The following PRKG1 variants were observed in gnomAD, a reference collection of about 807,000 sequenced individuals.
PRKG1 encodes the protein protein kinase cGMP-dependent 1.
Under a neutral mutation model 88.1 loss-of-function variants are expected in PRKG1, and 35 were observed. That is an observed-to-expected ratio of 0.40 (90% confidence interval 0.30 to 0.53). PRKG1 has a LOEUF of 0.53. Among genes scored for constraint, PRKG1 ranks in the 20% least tolerant of loss-of-function variants. The probability of loss-of-function intolerance (pLI) is 0.59; values close to 1 mark genes in which losing one functional copy is unlikely to be tolerated. For missense variants in PRKG1, 540 were observed against 839.8 expected, an observed-to-expected ratio of 0.64 and a Z score of 4.41; for synonymous variants, 303 against 292.5, an observed-to-expected ratio of 1.04 and a Z score of -0.37.
At chr10:51,981,700 T>C (rs1844015505) in intron 5 of PRKG1, among the ~76,000 whole-genome samples, 1 of 152,222 alleles carries the variant, frequency 6.6e-6, no homozygotes, top group Non-Finnish European at 1.5e-5. Context: ...CTTATGGGCT[T>C]CCTTTTGTCG....
At chr10:52,029,225 A>T (rs2133206500) in intron 5 of PRKG1, among the ~76,000 whole-genome samples, 1 of 152,330 alleles carries the variant, frequency 6.6e-6, no homozygotes, top group Middle Eastern at 3.4e-3. Flanking sequence ...CCATTCTTTG[A>T]CATAAACACA....
At chr10:51,793,894 T>C (rs1008206848) in intron 3 of PRKG1, among the ~76,000 whole-genome samples, 5 of 152,052 alleles carry the variant, frequency 3.3e-5, no homozygotes, top group African/African-American at 1.2e-4. Flanking sequence ...CCCAAGCAGG[T>C]GGGATTACAG....
intron 3 of PRKG1, among the ~76,000 whole-genome samples, chr10:51,731,695 A>G (rs1589240534): frequency 6.6e-6 from 1 of 152,316 alleles, no homozygotes; most frequent in East Asian, 1.9e-4. Context: ...TTGAATATAT[A>G]ATTTTGTCTC....
At chr10:51,022,168 C>T (rs180727507) in intron 1 of PRKG1, among the ~76,000 whole-genome samples, 2 of 152,312 alleles carry the variant, frequency 1.3e-5, no homozygotes, top group Admixed American at 6.5e-5. Context: ...CATGACCCAT[C>T]ACCAGAACAT....
At chr10:51,970,588 G>T (rs1904035) in intron 5 of PRKG1, among the ~76,000 whole-genome samples, 133,214 of 149,850 alleles carry the variant, frequency 0.89, 59,339 homozygotes, top group East Asian at 1. Flanking sequence ...TATTTATTTA[G>T]TTTTTGCTAT....
chr10:51,396,900 A>G (rs1837591001), intron 2 of PRKG1, among the ~76,000 whole-genome samples: 1 of 152,222 alleles, frequency 6.6e-6, no homozygotes, highest in Non-Finnish European at 1.5e-5. Flanking sequence ...AAGACTCAAT[A>G]TTCAAGATAA....
intron 5 of PRKG1, among the ~76,000 whole-genome samples, chr10:51,979,926 A>G (rs555735440): frequency 2.0e-5 from 3 of 151,646 alleles, no homozygotes; most frequent in Non-Finnish European, 4.4e-5. Context: ...TTTATATTTT[A>G]AAAACTCCTG....
At chr10:52,177,057 A>T (rs980670825) in intron 9 of PRKG1, among the ~76,000 whole-genome samples, 2 of 152,222 alleles carry the variant, frequency 1.3e-5, no homozygotes, top group South Asian at 4.1e-4. Flanking sequence ...TACTACGTTG[A>T]AAAAGATTGG....
chr10:51,425,600 G>A (rs908747767), intron 2 of PRKG1, among the ~76,000 whole-genome samples: 1 of 152,152 alleles, frequency 6.6e-6, no homozygotes, highest in African/African-American at 2.4e-5. Flanking sequence ...GGCCTGGCTT[G>A]GGGTTCATTA....
intron 1 of PRKG1, among the ~76,000 whole-genome samples, chr10:51,009,992 C>T (rs1241438629): frequency 6.6e-6 from 1 of 152,158 alleles, no homozygotes; most frequent in Non-Finnish European, 1.5e-5. Context: ...AGGTATAATT[C>T]AAATGGTTAT....
chr10:51,225,749 ATT>A (rs1471425619), intron 2 of PRKG1, among the ~76,000 whole-genome samples: 3 of 152,034 alleles, frequency 2.0e-5, no homozygotes, highest in East Asian at 3.9e-4. Flanking sequence ...AAAAAATCTC[ATT>A]GTCATTAAAA....
At chr10:51,125,805 A>T (rs1423485523) in intron 1 of PRKG1, among the ~76,000 whole-genome samples, 1 of 143,834 alleles carries the variant, frequency 7.0e-6, no homozygotes, top group African/African-American at 2.5e-5. Context: ...AATTATATAA[A>T]TTTATTTAAA....
intron 5 of PRKG1, among the ~76,000 whole-genome samples, chr10:51,999,426 T>C (rs1350374053): frequency 2.0e-5 from 3 of 152,204 alleles, no homozygotes; most frequent in African/African-American, 7.2e-5. Context: ...GCCAGCTTCG[T>C]AGGGATGTTT....
chr10:51,913,311 C>A (rs11812456), intron 5 of PRKG1, among the ~76,000 whole-genome samples: 3,266 of 152,248 alleles, frequency 0.021, 122 homozygotes, highest in African/African-American at 0.075. Context: ...GGGAATGGAT[C>A]TTGTCACCCA....
intron 3 of PRKG1, among the ~76,000 whole-genome samples, chr10:51,480,894 A>G (rs889863517): frequency 6.6e-6 from 1 of 152,132 alleles, no homozygotes; most frequent in East Asian, 1.9e-4. Context: ...AAGCAAATTT[A>G]GCTAGGTATA....
intron 3 of PRKG1, among the ~76,000 whole-genome samples, chr10:51,505,088 G>A (rs558336706): frequency 6.6e-6 from 1 of 152,156 alleles, no homozygotes; most frequent in African/African-American, 2.4e-5. Flanking sequence ...TGCCCATTCA[G>A]TATGATATTA....
At chr10:51,155,066 A>G (rs1333168868) in intron 2 of PRKG1, among the ~76,000 whole-genome samples, 1 of 152,052 alleles carries the variant, frequency 6.6e-6, no homozygotes, top group Non-Finnish European at 1.5e-5. Flanking sequence ...TAAAACAGCT[A>G]TTGTATAAAG....
chr10:51,907,238 G>A (rs755460805), intron 4 of PRKG1, among the ~76,000 whole-genome samples: 4 of 152,168 alleles, frequency 2.6e-5, no homozygotes, highest in Middle Eastern at 6.8e-3. Flanking sequence ...CAGTGATTTG[G>A]ACTCAGTCTG....
intron 5 of PRKG1, among the ~76,000 whole-genome samples, chr10:51,969,969 ACT>A (rs1843663707): frequency 3.3e-5 from 5 of 149,276 alleles, no homozygotes; most frequent in South Asian, 2.1e-4. Flanking sequence ...GCTAAATTTT[ACT>A]CTGTTTGCTT....
Sources: gnomAD v4.1 joint callset for allele counts (sites outside exome capture counted in the v4.1 genomes callset) on GRCh38, gnomAD v4.1.1 for gene constraint, MANE v1.5 for transcripts, NCBI Gene and HGNC (gene_info 2026-07-23, HGNC 2026-07-21) for gene names.